CIITA: variants seen among roughly 807,000 people sequenced by gnomAD.
CIITA encodes the protein class II major histocompatibility complex transactivator.
In CIITA, 72 loss-of-function variants were observed where a neutral mutation model predicts 115.1. That is an observed-to-expected ratio of 0.63 (90% confidence interval 0.52 to 0.76). The LOEUF (loss-of-function observed/expected upper bound fraction) is 0.76, where lower values mean the gene tolerates loss of function less well. CIITA is among the 30% of genes least tolerant of loss of function. The probability of loss-of-function intolerance (pLI) is 0.00; values close to 1 mark genes in which losing one functional copy is unlikely to be tolerated. For synonymous variants in CIITA, 763 were observed against 635.6 expected (o/e 1.20, Z -3.02); for missense variants, 1,617 against 1,463.8 (o/e 1.10, Z -1.71).
chr16:10,891,856 G>A (rs2037617608), intron 1 of CIITA, among the ~76,000 whole-genome samples: 1 of 152,192 alleles, frequency 6.6e-6, no homozygotes, highest in Non-Finnish European at 1.5e-5. Context: ...TGGTTGGCTG[G>A]GATCTCGCTG....
At chr16:10,938,462 G>A (rs890374545), downstream of CIITA, 6 of 152,172 alleles carry the variant, frequency 3.9e-5, no homozygotes, top group East Asian at 1.2e-3. This position sits in a 1 kb window ranked among gnomAD's most constrained non-coding sequence, Gnocchi z 4.9. Flanking sequence ...CACGCCCTTA[G>A]TCACTGTTTC....
In CIITA at chr16:10,928,741, C is replaced by T. The variant is rs1452872229; in HGVS notation, c.*4886C>T. Reference sequence around the variant, plus strand: ...GCTGTCCCTGGCTTGTGGAGTGGGGCAGGGGGCCAGCCTGGGACTTTCACG... The same window carrying T: ...GCTGTCCCTGGCTTGTGGAGTGGGGTAGGGGGCCAGCCTGGGACTTTCACG... On this transcript the variant is annotated 3_prime_UTR_variant, in exon 20 of 20. Transcript: ENST00000324288. 1 of 152,286 alleles carries T rather than the reference C, an allele frequency of 6.6e-6. No homozygotes were observed. Among genetic ancestry groups the T allele is most frequent in the African/African-American group, 2.4e-5 (1 of 41,434 alleles). 9.4% of individuals were successfully genotyped at this position (152,286 alleles called of 1,614,324 possible).
rs2040600843 is a variant in CIITA at position 10,927,936 on chromosome 16, A to G, written c.*4081A>G. On this transcript the variant is annotated 3_prime_UTR_variant, in exon 20 of 20. Transcript: ENST00000324288. The stretch of plus-strand genomic sequence containing the variant: ...GGCATGATAGTGCAATTCCATGTCC[A>G]GTGGATTGTAAGTCCACGCACCTTC... 1 of 152,208 alleles carries G rather than the reference A, an allele frequency of 6.6e-6. No individual in the cohort carries two copies. Among genetic ancestry groups the G allele is most frequent in the Non-Finnish European group, 1.5e-5 (1 of 68,038 alleles). 9.4% of individuals were successfully genotyped at this position (152,208 alleles called of 1,614,324 possible). A position where few individuals can be genotyped will look rare whatever the true frequency, so the allele number is the denominator to read the frequency against.
chr16:10,941,486 G>C lies in CIITA; in HGVS notation n.612G>C. ...GAACGGAGGAGAAGCCTGAGGGAGG[G>C]GTGTGTATCCGGCCTGGGAATTCCT... On this transcript the variant is annotated non_coding_transcript_exon_variant, in exon 2 of 2. Coordinates refer to the CIITA transcript ENST00000573379. The surrounding 1 kb of genome is among the most constrained non-coding windows in gnomAD (Gnocchi z 6.4). 3.1e-6 allele frequency: 4 copies of C among 1,297,760 alleles called. No homozygotes were observed. Among genetic ancestry groups the C allele is most frequent in the Non-Finnish European group, 4.0e-6 (4 of 1,001,248 alleles). The allele number at this position is 1,297,760 out of a possible 1,614,324, so 80.4% of individuals were successfully genotyped here.
chr16:10,908,581 C>T lies in CIITA; in HGVS notation c.2657+432C>T, dbSNP rs79831692. 1,581 of 415,390 alleles carry T rather than the reference C, an allele frequency of 3.8e-3. 26 individuals carry two copies. The highest frequency in any genetic ancestry group is 0.029 in the African/African-American group (1,434 of 49,348). 25.7% of individuals were successfully genotyped at this position (415,390 alleles called of 1,614,324 possible). On this transcript the variant is annotated intron_variant, in intron 11 of 19. Transcript: ENST00000324288. ...AGCAACCAGACCAATCTTCTCAGAA[C>T]TTGAATCTGATTGTATCCCATCCCT...
In CIITA at chr16:10,908,095, T is replaced by C. The variant is rs2039304703; in HGVS notation, c.2603T>C (p.Ile868Thr). The change falls in exon 11 of 20, where the codon ATT becomes ACT. Residue 868 changes from isoleucine to threonine, a missense_variant. Ile to Thr is a moderately conservative substitution (Grantham distance 89). Coordinates refer to ENST00000324288, the MANE Select transcript of CIITA (RefSeq NM_000246.4). ...DFSLDLRSTG[I>T]CPSGLGSLVG... ...TCCCTGGACCTCCGCAGCACTGGCA[T>C]TTGCCCCTCTGGATTGGGGAGCCTC... is the stretch of plus-strand genomic sequence containing the variant. 6.2e-7 allele frequency: 1 copy of C among 1,603,934 alleles called. No individual in the cohort carries two copies. Among genetic ancestry groups the C allele is most frequent in the Non-Finnish European group, 8.5e-7 (1 of 1,175,340 alleles).
At chr16:10,868,047 C>T (rs185464843) in intron 1 of CIITA, among the ~76,000 whole-genome samples, 110 of 152,310 alleles carry the variant, frequency 7.2e-4, no homozygotes, top group African/African-American at 2.5e-3. Context: ...CAGGCATGAG[C>T]CACCACACCC....
Position 10,916,473 on chromosome 16 carries a change from G to A in CIITA, c.3062+14G>A, listed in dbSNP as rs370557976. ...GGAAACCCTCAAGTGAGTGAGCTGG[G>A]CCTGCCCTTCCTGCTGAATCGGGCC... On this transcript the variant is annotated intron_variant, in intron 15 of 19. Coordinates refer to ENST00000324288, the MANE Select transcript of CIITA (RefSeq NM_000246.4). The A allele has an allele frequency of 2.1e-4, 330 of 1,605,708 alleles. 2 individuals carry two copies. In the Middle Eastern group the frequency reaches 4.5e-3, roughly 22 times the overall value.
chr16:10,908,437 T>A (rs936652955), intron 11 of CIITA: 15 of 551,268 alleles, frequency 2.7e-5, no homozygotes, highest in Non-Finnish European at 2.3e-5. Flanking sequence ...GGGCTCAAAT[T>A]TGTTTTATTC....
At chr16:10,915,126 C>G (rs2039861689) in intron 13 of CIITA, 2 of 439,208 alleles carry the variant, frequency 4.6e-6, no homozygotes, top group East Asian at 1.4e-4. Context: ...TCATGGCTCA[C>G]TGCATCCTCC....
At position 10,907,693 on chromosome 16, in the gene CIITA, C is replaced by T. The variant is rs747917606; in HGVS notation, c.2201C>T (p.Pro734Leu). Residue 734 changes from proline (P) to leucine (L), a missense_variant, in exon 11 of 20, where the codon CCG (proline) becomes CTG (leucine). Transcript: ENST00000324288. The surrounding 1 kb of genome is among the most constrained non-coding windows in gnomAD (Gnocchi z 5.0). ...GGCGAAATCAAGGACAAGGAGCTCC[C>T]GCAGTACCTAGCATTGACCCCAAGG... ...LSGEIKDKEL[P>L]QYLALTPRKK... is the part of the protein sequence containing the mutation. 5.6e-6 allele frequency: 9 copies of T among 1,614,092 alleles called. No individual in the cohort carries two copies. The highest frequency in any genetic ancestry group is 1.1e-5 in the South Asian group (1 of 91,088).
Position 10,916,257 on chromosome 16 carries a change from T to TG in CIITA, c.2970-104dup, listed in dbSNP as rs1262841355. 2.6e-5 allele frequency: 25 copies of TG among 950,994 alleles called. No individual in the cohort carries two copies. The Middle Eastern group carries it at 1.1e-3, about 42-fold the overall frequency. The allele number at this position is 950,994 out of a possible 1,614,324, so 58.9% of individuals were successfully genotyped here. A position where few individuals can be genotyped will look rare whatever the true frequency, so the allele number is the denominator to read the frequency against. ...CCGGCTGCCTATGGTGTATTAGAGCTGGGGGGTGGGAAGGGCAGGTGCCAG... is the reference window on the plus strand; with the variant it reads ...CCGGCTGCCTATGGTGTATTAGAGCTGGGGGGGTGGGAAGGGCAGGTGCCAG... On this transcript the variant is annotated intron_variant, in intron 14 of 19. Transcript: ENST00000324288.
chr16:10,890,280 T>C (rs1236911869), intron 1 of CIITA, among the ~76,000 whole-genome samples: 2 of 147,840 alleles, frequency 1.4e-5, no homozygotes, highest in Non-Finnish European at 3.0e-5. Context: ...CTGCTGGCTG[T>C]GGGGGCCTTT....
intron 3 of CIITA, among the ~76,000 whole-genome samples, chr16:10,897,595 T>A (rs1232376885): frequency 6.6e-6 from 1 of 152,238 alleles, no homozygotes; most frequent in East Asian, 1.9e-4. Context: ...AGCCCAGGCC[T>A]GGGCAAGTAT....
upstream of CIITA, among the ~76,000 whole-genome samples, chr16:10,876,150 C>T (rs1285662059): frequency 6.6e-6 from 1 of 151,892 alleles, no homozygotes; most frequent in Non-Finnish European, 1.5e-5. Flanking sequence ...GAGTGAAACT[C>T]CGTCTAAAAA....
At chr16:10,909,253 T>A in intron 12 of CIITA, 66 bp downstream of exon 12, 1 of 1,550,828 alleles carries the variant, frequency 6.4e-7, no homozygotes, top group Middle Eastern at 1.7e-4. Flanking sequence ...GGACCCATTC[T>A]CAAGTTTGTC....
In CIITA at chr16:10,933,324, G is replaced by A. The variant is rs2040878585; in HGVS notation, c.*9469G>A. The A allele has an allele frequency of 6.6e-6, 1 of 152,334 alleles. No individual in the cohort carries two copies. Among genetic ancestry groups the A allele is most frequent in the Non-Finnish European group, 1.5e-5 (1 of 68,104 alleles). 9.4% of individuals were successfully genotyped at this position (152,334 alleles called of 1,614,324 possible). Reference sequence around the variant, plus strand: ...CTGCCTGGTTCAGGATGTGGCTTAAGTAAGAAGATGGCCCTGGCGTTTTAC... The same window carrying A: ...CTGCCTGGTTCAGGATGTGGCTTAAATAAGAAGATGGCCCTGGCGTTTTAC... On this transcript the variant is annotated 3_prime_UTR_variant, in exon 20 of 20. Coordinates refer to ENST00000324288, the MANE Select transcript of CIITA (RefSeq NM_000246.4).
At chr16:10,891,227 G>C (rs58622756) in intron 1 of CIITA, among the ~76,000 whole-genome samples, 2,278 of 148,892 alleles carry the variant, frequency 0.015, 62 homozygotes, top group African/African-American at 0.051. Context: ...ATTTCATTGG[G>C]AACATTTTGA....
chr16:10,910,125 C>T (rs777185807), intron 12 of CIITA, 63 bp from the exon 13 acceptor site: 7 of 1,435,946 alleles, frequency 4.9e-6, no homozygotes, highest in Non-Finnish European at 6.8e-6. Flanking sequence ...CATCATGGGA[C>T]CCATGGGTAA....
Sources: allele counts gnomAD v4.1 joint callset (sites outside exome capture counted in the v4.1 genomes callset), GRCh38; gene constraint gnomAD v4.1.1; non-coding constraint Gnocchi (gnomAD v3.1); transcripts MANE v1.5; gene names NCBI Gene and HGNC (gene_info 2026-07-23, HGNC 2026-07-21).